The following CALN1 variants were observed in gnomAD, a reference collection of about 807,000 sequenced individuals.
CALN1 encodes calcium-binding protein 8.
In CALN1, 17 loss-of-function variants were observed where a neutral mutation model predicts 30.6. That is an observed-to-expected ratio of 0.56 (90% CI 0.38 to 0.83). The LOEUF is 0.83. Among genes scored for constraint, CALN1 ranks in the 40% least tolerant of loss-of-function variants. The pLI is 0.00. For missense variants in CALN1, 291 were observed against 354.9 expected (o/e 0.82, Z 1.45); for synonymous variants, 156 against 131.4 (o/e 1.19, Z -1.28).
intron 3 of CALN1, among the ~76,000 whole-genome samples, chr7:72,227,737 A>C (rs1052306337): frequency 2.0e-5 from 3 of 151,612 alleles, no homozygotes; most frequent in Middle Eastern, 3.4e-3. Flanking sequence ...TCTGAATCTA[A>C]AATAAAAAGT....
At chr7:72,089,649 T>A (rs1805720377) in intron 4 of CALN1, among the ~76,000 whole-genome samples, 1 of 151,972 alleles carries the variant, frequency 6.6e-6, no homozygotes, top group African/African-American at 2.4e-5. Context: ...TAAAGATAAA[T>A]GTTATGCAAA....
chr7:72,055,895 C>A (rs1267185867), intron 4 of CALN1, among the ~76,000 whole-genome samples: 1 of 152,090 alleles, frequency 6.6e-6, no homozygotes, highest in South Asian at 2.1e-4. Context: ...GTGGCACACA[C>A]CCATAGTCCC....
intron 3 of CALN1, among the ~76,000 whole-genome samples, chr7:72,212,444 C>A (rs1195545132): frequency 4.6e-5 from 7 of 151,972 alleles, no homozygotes; most frequent in African/African-American, 1.2e-4. Context: ...AGAGTCCCAG[C>A]CCCCATTGAA....
the CALN1 span, among the ~76,000 whole-genome samples, chr7:72,493,380 C>A: frequency 2.0e-5 from 3 of 151,830 alleles, no homozygotes; most frequent in African/African-American, 7.3e-5. Context: ...ACTCTGTCAC[C>A]CGGGCTGGAG....
Position 72,271,575 on chromosome 7 carries a change from A to AAAAATATATATATATATATATATAT in CALN1, c.244+7110_244+7111insATATATATATATATATATATATTTT. Among the ~76,000 whole-genome samples the AAAAATATATATATATATATATATAT allele has an allele frequency of 4.5e-3, 233 of 52,002 alleles. 3 individuals carry two copies. The highest frequency in any genetic ancestry group is 9.3e-3 in the South Asian group (8 of 862). 34.1% of individuals were successfully genotyped at this position (52,002 alleles called of 152,430 possible). On this transcript the variant is annotated intron_variant, in intron 3 of 6. Coordinates refer to ENST00000395275, the MANE Select transcript of CALN1 (RefSeq NM_031468.4). ...CTGTGCCTGCCTTTTAAAAAAAAAA[A>AAAAATATATATATATATATATATAT]ATATATATATATATATATAGTTTTC...
At chr7:72,337,719 C>T (rs1400034744) in intron 2 of CALN1, 1 of 152,382 alleles carries the variant, frequency 6.6e-6, no homozygotes, top group East Asian at 1.9e-4. Flanking sequence ...CAGCATTCCG[C>T]GTGACCGCCC....
intron 3 of CALN1, among the ~76,000 whole-genome samples, chr7:72,176,452 C>T (rs150285087): frequency 1.2e-3 from 184 of 152,130 alleles, no homozygotes; most frequent in African/African-American, 4.2e-3. Flanking sequence ...GTCATGGGGG[C>T]GGATCCCTCA....
chr7:72,174,594 A>G (rs554601930), intron 3 of CALN1, among the ~76,000 whole-genome samples: 10 of 152,374 alleles, frequency 6.6e-5, no homozygotes, highest in South Asian at 6.2e-4. Context: ...CTACAGATAC[A>G]TAACAACACA....
At position 72,016,998 on chromosome 7, in the gene CALN1, C is replaced by CAAAAA. The variant is rs754201004; in HGVS notation, c.501+6654_501+6658dup. Among the ~76,000 whole-genome samples, 20 of 31,948 alleles carry CAAAAA rather than the reference C, an allele frequency of 6.3e-4. 1 individual carries two copies. Among genetic ancestry groups the CAAAAA allele is most frequent in the South Asian group, 2.0e-3 (2 of 988 alleles). 21.0% of individuals were successfully genotyped at this position (31,948 alleles called of 152,430 possible). ...CAAAACCCCGTGTTTACTAAAAATA[C>CAAAAA]AAAAAAAAAAAAAAAAAAAGCTGGG... On this transcript the variant is annotated intron_variant, in intron 5 of 6. Coordinates refer to ENST00000395275, the MANE Select transcript of CALN1 (RefSeq NM_031468.4).
chr7:72,191,007 A>G (rs1029532054), intron 3 of CALN1, among the ~76,000 whole-genome samples: 4 of 152,224 alleles, frequency 2.6e-5, no homozygotes, highest in African/African-American at 7.2e-5. Context: ...ATTGACCAAG[A>G]AACTCAAAGC....
intron 1 of CALN1, among the ~76,000 whole-genome samples, chr7:72,406,165 A>C (rs1221445598): frequency 6.6e-6 from 1 of 152,220 alleles, no homozygotes; most frequent in East Asian, 1.9e-4. Context: ...CCGTCTCTCC[A>C]GAATTCCCCT....
At chr7:72,102,984 A>T (rs1806787163) in intron 4 of CALN1, among the ~76,000 whole-genome samples, 1 of 150,052 alleles carries the variant, frequency 6.7e-6, no homozygotes, top group South Asian at 2.1e-4. Context: ...GAGGCAGGAG[A>T]ATTGCTTAAA....
rs146874581 is a variant in CALN1 at position 72,410,397 on chromosome 7, T to C, written c.-74+1661A>G. 2.3e-3 allele frequency among the ~76,000 whole-genome samples: 356 copies of C among 152,326 alleles called. 3 individuals carry two copies. Among genetic ancestry groups the C allele is most frequent in the African/African-American group, 8.2e-3 (342 of 41,564 alleles). The stretch of plus-strand genomic sequence containing the variant: ...CAATCTAGGACGTAGAAAATGTCCA[T>C]GGAATTCCTTGAAAGATGCAAAAGC... On this transcript the variant is annotated intron_variant, in intron 1 of 6. Transcript: ENST00000395275.
At chr7:72,317,986 T>G (rs1240404580) in intron 2 of CALN1, among the ~76,000 whole-genome samples, 1 of 152,174 alleles carries the variant, frequency 6.6e-6, no homozygotes, top group African/African-American at 2.4e-5. Flanking sequence ...TCCCAGTGAT[T>G]TGCAAAACAG....
At chr7:72,364,810 A>T (rs1011519686) in intron 2 of CALN1, among the ~76,000 whole-genome samples, 1 of 152,226 alleles carries the variant, frequency 6.6e-6, no homozygotes, top group African/African-American at 2.4e-5. Flanking sequence ...TTGATTTGTT[A>T]TTCAAAAGTA....
At chr7:72,485,333 A>G in the CALN1 span, among the ~76,000 whole-genome samples, 2 of 152,322 alleles carry the variant, frequency 1.3e-5, no homozygotes, top group African/African-American at 4.8e-5. Flanking sequence ...CCAAAGTGGG[A>G]GGATCACTTG....
chr7:72,011,149 CA>C lies in CALN1; in HGVS notation c.501+12507del, dbSNP rs112970749. 5.6e-3 allele frequency among the ~76,000 whole-genome samples: 625 copies of C among 112,148 alleles called. 5 individuals carry two copies. The highest frequency in any genetic ancestry group is 0.019 in the African/African-American group (563 of 29,476). 73.6% of individuals were successfully genotyped at this position (112,148 alleles called of 152,430 possible). Reference sequence around the variant, plus strand: ...GCCTGGCGACAGAGTGAGATTCCGTCAAAAAAAAAAGAAAAAAAACAAAAAA... The same window carrying C: ...GCCTGGCGACAGAGTGAGATTCCGTCAAAAAAAAAGAAAAAAAACAAAAAA... On this transcript the variant is annotated intron_variant, in intron 5 of 6. Transcript: ENST00000395275.
chr7:72,082,926 G>A (rs911488126), intron 4 of CALN1, among the ~76,000 whole-genome samples: 6 of 152,216 alleles, frequency 3.9e-5, no homozygotes, highest in Non-Finnish European at 7.3e-5. Context: ...AGCAGGCCAG[G>A]TGTGGTGGCT....
At chr7:71,892,772 A>C (rs1036011134) in intron 5 of CALN1, among the ~76,000 whole-genome samples, 3 of 152,240 alleles carry the variant, frequency 2.0e-5, no homozygotes, top group Non-Finnish European at 4.4e-5. Flanking sequence ...CTTGAGAAAT[A>C]TCTACTTCTG....
Sources: allele counts gnomAD v4.1 joint callset (sites outside exome capture counted in the v4.1 genomes callset), GRCh38; gene constraint gnomAD v4.1.1; transcripts MANE v1.5; gene names NCBI Gene and HGNC (gene_info 2026-07-23, HGNC 2026-07-21).